XPR1: variants seen among roughly 807,000 people sequenced by gnomAD.
The protein encoded by XPR1 is xenotropic and polytropic retrovirus receptor 1.
XPR1 carries 28 observed loss-of-function variants against 87.5 expected under a neutral mutation model. The ratio of observed to expected loss-of-function variants is 0.32; its 90% CI spans 0.24 to 0.44. The LOEUF (loss-of-function observed/expected upper bound fraction) is 0.44, where lower values mean the gene tolerates loss of function less well. XPR1 is among the 20% of genes least tolerant of loss of function. XPR1 has a pLI of 1.00. For synonymous variants in XPR1, 300 were observed against 306.1 expected, an observed-to-expected ratio of 0.98 and a Z score of 0.21; for missense variants, 559 against 862.3, an observed-to-expected ratio of 0.65 and a Z score of 4.41.
At chr1:180,670,352 A>T (rs1329241546) in intron 1 of XPR1, among the ~76,000 whole-genome samples, 1 of 151,860 alleles carries the variant, frequency 6.6e-6, no homozygotes. Flanking sequence ...AAATGTTTAC[A>T]TTTCTTTTTC....
intron 2 of XPR1, among the ~76,000 whole-genome samples, chr1:180,738,732 C>T (rs1291739905): frequency 6.6e-6 from 1 of 152,038 alleles, no homozygotes; most frequent in African/African-American, 2.4e-5. Flanking sequence ...TTTGGCTTTT[C>T]TGTGTTCTCA....
chr1:180,661,148 T>C (rs965534813), intron 1 of XPR1, among the ~76,000 whole-genome samples: 2 of 152,164 alleles, frequency 1.3e-5, no homozygotes, highest in Non-Finnish European at 2.9e-5. Flanking sequence ...TTGGTGTATT[T>C]TGTATTTTCT....
intron 2 of XPR1, among the ~76,000 whole-genome samples, chr1:180,737,167 G>A (rs548590379): frequency 2.2e-4 from 33 of 152,256 alleles, no homozygotes; most frequent in African/African-American, 7.0e-4. Flanking sequence ...ATGTGGCAGG[G>A]GTAGAAGGGG....
At chr1:180,722,391 G>T (rs114329152) in intron 2 of XPR1, among the ~76,000 whole-genome samples, 1 of 152,068 alleles carries the variant, frequency 6.6e-6, no homozygotes, top group Non-Finnish European at 1.5e-5. Flanking sequence ...ACCGCGCCCG[G>T]CCCTTAAAAT....
intron 1 of XPR1, among the ~76,000 whole-genome samples, chr1:180,638,232 C>T (rs1654851359): frequency 6.6e-6 from 1 of 151,910 alleles, no homozygotes; most frequent in African/African-American, 2.4e-5. Context: ...TTTAAAACTT[C>T]TATTTTAAAC....
chr1:180,652,349 T>G (rs959600234), intron 1 of XPR1, among the ~76,000 whole-genome samples: 4 of 152,196 alleles, frequency 2.6e-5, no homozygotes, highest in Non-Finnish European at 5.9e-5. Flanking sequence ...AATTTACAGC[T>G]ATTACCACAA....
intron 1 of XPR1, among the ~76,000 whole-genome samples, chr1:180,669,108 AT>A (rs1397961606): frequency 9.9e-5 from 15 of 151,350 alleles, no homozygotes; most frequent in African/African-American, 3.2e-4. Flanking sequence ...AAAAAAAAAA[AT>A]CTATTGAGGC....
chr1:180,660,775 A>G (rs564498838), intron 1 of XPR1, among the ~76,000 whole-genome samples: 9 of 152,296 alleles, frequency 5.9e-5, no homozygotes, highest in East Asian at 3.9e-4. Flanking sequence ...CATATGGTCT[A>G]TCCTTGAGAA....
At chr1:180,683,757 A>T (rs1656668609) in intron 2 of XPR1, among the ~76,000 whole-genome samples, 1 of 151,918 alleles carries the variant, frequency 6.6e-6, no homozygotes, top group Non-Finnish European at 1.5e-5. Flanking sequence ...GGCTGCATAA[A>T]TGTCTTCTTT....
intron 1 of XPR1, among the ~76,000 whole-genome samples, chr1:180,659,102 C>G (rs1443404219): frequency 9.2e-6 from 1 of 108,188 alleles, no homozygotes; most frequent in Non-Finnish European, 1.8e-5. Context: ...CTCCCTCCCT[C>G]CCTCCCTTCC....
At chr1:180,693,532 G>A (rs1345376953) in intron 2 of XPR1, among the ~76,000 whole-genome samples, 1 of 152,226 alleles carries the variant, frequency 6.6e-6, no homozygotes, top group Admixed American at 6.5e-5. Context: ...TTCGGTTGCT[G>A]TAAAAACCAC....
At chr1:180,679,948 C>G (rs559701744) in intron 1 of XPR1, among the ~76,000 whole-genome samples, 1 of 152,066 alleles carries the variant, frequency 6.6e-6, no homozygotes, top group African/African-American at 2.4e-5. Context: ...GAAAAAAGAA[C>G]CTATAAAATG....
At chr1:180,694,707 A>G (rs1006604484) in intron 2 of XPR1, among the ~76,000 whole-genome samples, 1 of 151,684 alleles carries the variant, frequency 6.6e-6, no homozygotes, top group East Asian at 1.9e-4. Flanking sequence ...TTTTTCAACA[A>G]TCGAGCTTTA....
chr1:180,791,790 G>C (rs887265132), intron 3 of XPR1, among the ~76,000 whole-genome samples: 8 of 152,008 alleles, frequency 5.3e-5, no homozygotes, highest in African/African-American at 1.9e-4. Flanking sequence ...TGCTAATTAT[G>C]ATCCACTAAA....
intron 2 of XPR1, among the ~76,000 whole-genome samples, chr1:180,718,092 T>G (rs752408339): frequency 1.3e-5 from 2 of 152,164 alleles, no homozygotes; most frequent in Non-Finnish European, 2.9e-5. Flanking sequence ...ATGCTATGTA[T>G]TAAGTTTTAT....
intron 14 of XPR1, among the ~76,000 whole-genome samples, chr1:180,881,758 G>A (rs1450751775): frequency 6.6e-6 from 1 of 152,158 alleles, no homozygotes; most frequent in African/African-American, 2.4e-5. Flanking sequence ...ACTTTAAATA[G>A]AGATTTGGAA....
chr1:180,806,884 A>G (rs1268403063), intron 6 of XPR1, among the ~76,000 whole-genome samples: 2 of 151,042 alleles, frequency 1.3e-5, no homozygotes, highest in Non-Finnish European at 3.0e-5. Flanking sequence ...AGCTTACTCC[A>G]AAAAAGCATT....
intron 2 of XPR1, among the ~76,000 whole-genome samples, chr1:180,756,959 G>A (rs1281631831): frequency 6.6e-6 from 1 of 152,134 alleles, no homozygotes; most frequent in African/African-American, 2.4e-5. Context: ...AAAATCAGTT[G>A]AACACAAGTG....
chr1:180,819,294 A>AAAT lies in XPR1; in HGVS notation c.764-5457_764-5455dup, dbSNP rs563317201. Among the ~76,000 whole-genome samples, 441 of 152,268 alleles carry AAAT rather than the reference A, an allele frequency of 2.9e-3. 3 individuals carry two copies. The highest frequency in any genetic ancestry group is 9.6e-3 in the African/African-American group (400 of 41,546). ...TGAAAGTAAATAAGTTCATTAGCTT[A>AAAT]AATATAGTATTTTCATTCAGAAGAA... On this transcript the variant is annotated intron_variant, in intron 7 of 14. Coordinates refer to ENST00000367590, the MANE Select transcript of XPR1 (RefSeq NM_004736.4).
Sources: allele counts gnomAD v4.1 joint callset (sites outside exome capture counted in the v4.1 genomes callset), GRCh38; gene constraint gnomAD v4.1.1; transcripts MANE v1.5; gene names NCBI Gene and HGNC (gene_info 2026-07-23, HGNC 2026-07-21).